CELF2: variants seen among roughly 807,000 people sequenced by gnomAD.
The protein encoded by CELF2 is CUG triplet repeat RNA-binding protein 2.
A neutral mutation model predicts 62.6 loss-of-function variants in CELF2; 8 were observed. That is an observed-to-expected ratio of 0.13 (90% CI 0.07 to 0.23). The LOEUF (loss-of-function observed/expected upper bound fraction) is 0.23. Ranked by LOEUF, CELF2 falls within the 10% of genes least tolerant of loss-of-function variation. The probability of loss-of-function intolerance (pLI) is 1.00; values close to 1 mark genes in which losing one functional copy is unlikely to be tolerated. For synonymous variants in CELF2, 258 were observed against 250.0 expected (o/e 1.03, Z -0.30); for missense variants, 333 against 671.0 (o/e 0.50, Z 5.56).
chr10:11,193,902 G>C (rs7924165), intron 2 of CELF2, among the ~76,000 whole-genome samples: 82,755 of 151,820 alleles, frequency 0.55, 23,642 homozygotes, highest in Non-Finnish European at 0.64. Flanking sequence ...GGGAGGTCCG[G>C]TCATCTTCAT....
chr10:10,748,734 C>T, the CELF2 span, among the ~76,000 whole-genome samples: 17 of 117,902 alleles, frequency 1.4e-4, no homozygotes, highest in Admixed American at 2.0e-3. Context: ...GGTGACAGAG[C>T]GAGACTCTGT....
At position 11,319,215 on chromosome 10, in the gene CELF2, C is replaced by T; in HGVS notation, c.1097-1974C>T. The T allele has an allele frequency of 2.4e-6, 1 of 410,276 alleles. No homozygotes were observed. 25.4% of individuals were successfully genotyped at this position (410,276 alleles called of 1,614,324 possible). A position where few individuals can be genotyped will look rare whatever the true frequency, so the allele number is the denominator to read the frequency against. ...TCCACAGCACCCGTTAACAGCCTGG[C>T]CAAAGTGAGACCAACAGAATTTATC... On this transcript the variant is annotated intron_variant, in intron 10 of 12. Transcript: ENST00000633077. This position sits in a 1 kb window ranked among gnomAD's most constrained non-coding sequence, Gnocchi z 4.4.
Position 11,319,897 on chromosome 10 carries a change from C to A in CELF2, c.1097-1292C>A, listed in dbSNP as rs1042520749. ...CTGTTAGGGCAGTAGCGTTGCTGGG[C>A]GTGTGGAGGTCACTCTGCTGCCGGA... On this transcript the variant is annotated intron_variant, in intron 10 of 12. Transcript: ENST00000633077. The surrounding 1 kb of genome is among the most constrained non-coding windows in gnomAD (Gnocchi z 4.4). 1.1e-5 allele frequency: 5 copies of A among 470,542 alleles called. No homozygotes were observed. In the East Asian group the frequency reaches 3.5e-4, roughly 33 times the overall value. The allele number at this position is 470,542 out of a possible 1,614,324, so 29.1% of individuals were successfully genotyped here. A position where few individuals can be genotyped will look rare whatever the true frequency, so the allele number is the denominator to read the frequency against.
rs76132954 is a variant in CELF2, at chr10:11,287,370, T to C, written c.842-1048T>C. The stretch of plus-strand genomic sequence containing the variant: ...TTCAGAGAACCTTTGGACTGAGAGA[T>C]GGAAGCGGGCTACAGGGAGAAAAGA... On this transcript the variant is annotated intron_variant, in intron 8 of 12. Coordinates refer to ENST00000633077, the MANE Select transcript of CELF2 (RefSeq NM_001326342.2). 6.3e-3 allele frequency among the ~76,000 whole-genome samples: 966 copies of C among 152,334 alleles called. 13 individuals carry two copies. The highest frequency in any genetic ancestry group is 0.022 in the African/African-American group (933 of 41,572).
At chr10:11,162,966 C>G (rs2066064171) in intron 1 of CELF2, among the ~76,000 whole-genome samples, 1 of 152,192 alleles carries the variant, frequency 6.6e-6, no homozygotes, top group South Asian at 2.1e-4. Context: ...CTGTACCACA[C>G]TGCCTCTAGA....
the CELF2 span, among the ~76,000 whole-genome samples, chr10:10,532,512 G>A: frequency 5.3e-5 from 8 of 152,152 alleles, no homozygotes; most frequent in South Asian, 1.7e-3. Flanking sequence ...ACAAGTTAAG[G>A]GAGGAAGGCA....
chr10:11,166,420 G>C (rs1352510643), intron 2 of CELF2, among the ~76,000 whole-genome samples: 1 of 152,220 alleles, frequency 6.6e-6, no homozygotes, highest in African/African-American at 2.4e-5. Flanking sequence ...TAGAGACCCA[G>C]AAACCATTGT....
At chr10:10,508,661 T>TGTAC in the CELF2 span, among the ~76,000 whole-genome samples, 4 of 11,158 alleles carry the variant, frequency 3.6e-4, no homozygotes, top group Non-Finnish European at 1.7e-4. Context: ...CTTAAACAGA[T>TGTAC]GTGTGTGTGT....
chr10:10,627,147 G>T, the CELF2 span, among the ~76,000 whole-genome samples: 1 of 152,164 alleles, frequency 6.6e-6, no homozygotes, highest in Non-Finnish European at 1.5e-5. Context: ...TACCCTCATT[G>T]TATTTATTCC....
At chr10:10,899,038 A>G (rs1032948494) in intron 1 of CELF2, among the ~76,000 whole-genome samples, 5 of 152,220 alleles carry the variant, frequency 3.3e-5, no homozygotes, top group Non-Finnish European at 5.9e-5. Context: ...TTTTAACTGA[A>G]TAGGTAAAGA....
At chr10:11,055,648 C>T (rs1035527415) in intron 1 of CELF2, among the ~76,000 whole-genome samples, 45 of 152,318 alleles carry the variant, frequency 3.0e-4, no homozygotes, top group African/African-American at 1.1e-3. Flanking sequence ...AGTGGAAAGA[C>T]ATTCTTTGCT....
At chr10:10,735,644 C>G in the CELF2 span, among the ~76,000 whole-genome samples, 390 of 152,300 alleles carry the variant, frequency 2.6e-3, 1 homozygote, top group Non-Finnish European at 4.5e-3. Context: ...TTGAATGCAT[C>G]ATCCCCATGA....
intron 1 of CELF2, among the ~76,000 whole-genome samples, chr10:10,876,486 T>G (rs1006815465): frequency 6.6e-6 from 1 of 152,152 alleles, no homozygotes; most frequent in Non-Finnish European, 1.5e-5. Flanking sequence ...CTTGCCTCTT[T>G]ATTCTCACCT....
At chr10:10,963,646 G>C (rs529040302) in intron 2 of CELF2, among the ~76,000 whole-genome samples, 1 of 145,476 alleles carries the variant, frequency 6.9e-6, no homozygotes, top group Non-Finnish European at 1.5e-5. Context: ...GGTCCATCCT[G>C]CCATATATTT....
At chr10:10,568,671 C>T in the CELF2 span, among the ~76,000 whole-genome samples, 3 of 152,008 alleles carry the variant, frequency 2.0e-5, no homozygotes, top group Non-Finnish European at 4.4e-5. Context: ...AGAGGCATGG[C>T]GGTTTGTGGA....
chr10:10,879,291 C>T (rs139267559), intron 1 of CELF2, among the ~76,000 whole-genome samples: 3 of 152,268 alleles, frequency 2.0e-5, no homozygotes, highest in East Asian at 1.9e-4. Flanking sequence ...CCAGAGTGCC[C>T]GCTCCTGGAC....
At chr10:10,940,397 C>T (rs2046922236) in intron 2 of CELF2, among the ~76,000 whole-genome samples, 1 of 152,174 alleles carries the variant, frequency 6.6e-6, no homozygotes, top group Non-Finnish European at 1.5e-5. Context: ...AAGCAGCTAA[C>T]TTGCTCCTTT....
the CELF2 span, among the ~76,000 whole-genome samples, chr10:10,581,767 C>T: frequency 5.3e-5 from 8 of 152,284 alleles, no homozygotes; most frequent in East Asian, 3.9e-4. Context: ...CGGTGGTTCA[C>T]GCCTGTAATC....
the CELF2 span, among the ~76,000 whole-genome samples, chr10:10,495,688 T>G: frequency 2.0e-5 from 3 of 152,136 alleles, no homozygotes; most frequent in Non-Finnish European, 4.4e-5. Context: ...AGTACTGCAA[T>G]TACCATGACT....
Sources: allele counts gnomAD v4.1 joint callset (sites outside exome capture counted in the v4.1 genomes callset), GRCh38; gene constraint gnomAD v4.1.1; non-coding constraint Gnocchi (gnomAD v3.1); transcripts MANE v1.5; gene names NCBI Gene and HGNC (gene_info 2026-07-23, HGNC 2026-07-21).